Variants in RALYL observed in about 807,000 individuals in gnomAD.
RALYL encodes RALY RNA binding protein like.
Under a neutral mutation model 35.1 loss-of-function variants are expected in RALYL, and 29 were observed. The observed-to-expected ratio is 0.83, with a 90% CI of 0.61 to 1.13. The LOEUF is 1.13. Ranked by LOEUF, RALYL falls within the 50% of genes most tolerant of loss-of-function variation. The probability of loss-of-function intolerance (pLI) is 0.00; values close to 1 mark genes in which losing one functional copy is unlikely to be tolerated. For missense variants in RALYL, 359 were observed against 360.4 expected, an observed-to-expected ratio of 1.00 and a Z score of 0.03; for synonymous variants, 120 against 127.6, an observed-to-expected ratio of 0.94 and a Z score of 0.40.
chr8:84,239,945 T>C (rs1044035667), intron 1 of RALYL, among the ~76,000 whole-genome samples: 2 of 152,050 alleles, frequency 1.3e-5, no homozygotes, highest in African/African-American at 4.8e-5. Context: ...CTGGCTGTAG[T>C]GTGTGTGCCA....
At chr8:84,313,457 T>C (rs1426822981) in intron 1 of RALYL, among the ~76,000 whole-genome samples, 2 of 152,196 alleles carry the variant, frequency 1.3e-5, no homozygotes, top group Non-Finnish European at 2.9e-5. Flanking sequence ...TATGATCTGC[T>C]TCCTTTTTAA....
intron 1 of RALYL, among the ~76,000 whole-genome samples, chr8:84,473,014 GA>G (rs1445632024): frequency 2.0e-5 from 3 of 152,034 alleles, no homozygotes; most frequent in Non-Finnish European, 4.4e-5. Flanking sequence ...CAAAAGTGGT[GA>G]AAAAATTAGG....
intron 3 of RALYL, among the ~76,000 whole-genome samples, chr8:84,778,042 A>G (rs1015723935): frequency 6.6e-6 from 1 of 152,188 alleles, no homozygotes. Context: ...TGTATCTACT[A>G]TGGTCTAGGG....
At chr8:84,762,896 T>C (rs1235129329) in intron 2 of RALYL, among the ~76,000 whole-genome samples, 1 of 152,172 alleles carries the variant, frequency 6.6e-6, no homozygotes. Context: ...AAAGCATTTT[T>C]CAAATGTCTT....
intron 8 of RALYL, among the ~76,000 whole-genome samples, chr8:84,891,840 A>C (rs2009060651): frequency 6.6e-6 from 1 of 152,206 alleles, no homozygotes; most frequent in South Asian, 2.1e-4. Context: ...TAAAAGCACA[A>C]ATATTTTCTT....
chr8:84,664,766 C>G (rs1831638770), intron 2 of RALYL, among the ~76,000 whole-genome samples: 2 of 152,092 alleles, frequency 1.3e-5, no homozygotes, highest in Admixed American at 1.3e-4. Context: ...ATCGTGTCAT[C>G]TACAAACAGG....
intron 8 of RALYL, among the ~76,000 whole-genome samples, chr8:84,911,859 C>A (rs1847567086): frequency 6.6e-6 from 1 of 152,014 alleles, no homozygotes; most frequent in African/African-American, 2.4e-5. Flanking sequence ...AAATTATAAA[C>A]AATACAGATG....
rs1563778828 is a variant in RALYL at position 84,354,114 on chromosome 8, T to G, written c.-24+169690T>G. On this transcript the variant is annotated intron_variant, in intron 1 of 8. Coordinates refer to ENST00000521268, the MANE Select transcript of RALYL (RefSeq NM_173848.7). ...TTAAAAGAAAGTGTATTGTGGCTACTGAAGAAATTCCCAGAGCAATGTTAA... is the reference window on the plus strand; with the variant it reads ...TTAAAAGAAAGTGTATTGTGGCTACGGAAGAAATTCCCAGAGCAATGTTAA... Among the ~76,000 whole-genome samples, 3 of 149,626 alleles carry G rather than the reference T, an allele frequency of 2.0e-5. 1 individual carries two copies. Among genetic ancestry groups the G allele is most frequent in the Admixed American group, 6.6e-5 (1 of 15,068 alleles).
chr8:84,490,280 G>A (rs1436607942), intron 1 of RALYL, among the ~76,000 whole-genome samples: 2 of 151,724 alleles, frequency 1.3e-5, no homozygotes, highest in African/African-American at 2.4e-5. Flanking sequence ...CTGCTTACTG[G>A]GGCGATTTCA....
intron 2 of RALYL, among the ~76,000 whole-genome samples, chr8:84,581,340 C>T (rs963600200): frequency 6.6e-6 from 1 of 152,126 alleles, no homozygotes; most frequent in African/African-American, 2.4e-5. Context: ...TGCTTCACAC[C>T]TTCTCATATC....
intron 2 of RALYL, among the ~76,000 whole-genome samples, chr8:84,699,696 C>A (rs1839852992): frequency 6.6e-6 from 1 of 152,102 alleles, no homozygotes; most frequent in African/African-American, 2.4e-5. Flanking sequence ...GGAACAAAAA[C>A]ATTTAGACCA....
intron 1 of RALYL, among the ~76,000 whole-genome samples, chr8:84,509,739 G>A (rs138561913): frequency 7.3e-4 from 111 of 152,208 alleles, no homozygotes; most frequent in Non-Finnish European, 1.4e-3. Context: ...GTATGTAGGT[G>A]TCCAGTTATT....
intron 3 of RALYL, among the ~76,000 whole-genome samples, chr8:84,802,151 A>G (rs930252958): frequency 1.3e-5 from 2 of 152,188 alleles, no homozygotes; most frequent in African/African-American, 4.8e-5. Flanking sequence ...GCCTTAAACA[A>G]TATGTAAATG....
intron 2 of RALYL, among the ~76,000 whole-genome samples, chr8:84,729,435 A>G (rs1430466281): frequency 6.6e-6 from 1 of 152,084 alleles, no homozygotes; most frequent in Non-Finnish European, 1.5e-5. Context: ...AAAGCAGGAA[A>G]GATCCAAAAT....
At chr8:84,469,773 G>T (rs1171382582) in intron 1 of RALYL, among the ~76,000 whole-genome samples, 2 of 152,272 alleles carry the variant, frequency 1.3e-5, no homozygotes, top group South Asian at 4.1e-4. Flanking sequence ...TCAGACTGCT[G>T]TGCTAGCAAT....
chr8:84,387,702 C>T (rs372589071), intron 1 of RALYL, among the ~76,000 whole-genome samples: 1 of 151,798 alleles, frequency 6.6e-6, no homozygotes, highest in Non-Finnish European at 1.5e-5. Context: ...GACATATTCG[C>T]TTTAGCTACC....
intron 1 of RALYL, among the ~76,000 whole-genome samples, chr8:84,460,198 G>A (rs2050595286): frequency 6.6e-6 from 1 of 151,678 alleles, no homozygotes; most frequent in Non-Finnish European, 1.5e-5. Flanking sequence ...CAATAACTGA[G>A]GAGGGTTTAA....
rs549485748 is a variant in RALYL at position 84,484,439 on chromosome 8, C to T, written c.-23-44860C>T. 2.6e-5 allele frequency among the ~76,000 whole-genome samples: 4 copies of T among 152,046 alleles called. No individual in the cohort carries two copies. In the South Asian group the frequency reaches 8.3e-4, roughly 32 times the overall value. On this transcript the variant is annotated intron_variant, in intron 1 of 8. Coordinates refer to ENST00000521268, the MANE Select transcript of RALYL (RefSeq NM_173848.7). ...AATGTATAATTCTGTCTGTGCTTTT[C>T]AGAGGAGAAGGAACTCTCAAGTGGA...
chr8:84,669,726 A>G (rs894940445), intron 2 of RALYL, among the ~76,000 whole-genome samples: 2 of 152,144 alleles, frequency 1.3e-5, no homozygotes, highest in Non-Finnish European at 2.9e-5. Flanking sequence ...TTTACAGTCC[A>G]GACCTCAAGT....
Sources: allele counts gnomAD v4.1 joint callset (sites outside exome capture counted in the v4.1 genomes callset), GRCh38; gene constraint gnomAD v4.1.1; transcripts MANE v1.5; gene names NCBI Gene and HGNC (gene_info 2026-07-23, HGNC 2026-07-21).